GARIN1A: variants seen among roughly 807,000 people sequenced by gnomAD.
GARIN1A encodes the protein Golgi-associated RAB2 interactor protein 1A.
At chr7:128,686,585 G>T in the GARIN1A span, 2 of 151,954 alleles carry the variant, frequency 1.3e-5, no homozygotes, top group Non-Finnish European at 2.9e-5. Flanking sequence ...ACATAAATCT[G>T]ACAGAAAGGA....
the GARIN1A span, among the ~76,000 whole-genome samples, chr7:128,694,562 AAAC>A: frequency 1.3e-5 from 2 of 151,104 alleles, no homozygotes; most frequent in Admixed American, 1.3e-4. Context: ...AGAAAGAAAA[AAAC>A]CAGCACATGG....
the GARIN1A span, among the ~76,000 whole-genome samples, chr7:128,696,611 C>T: frequency 2.0e-5 from 3 of 152,108 alleles, no homozygotes; most frequent in East Asian, 1.9e-4. Context: ...GAGGATCACT[C>T]GAGGTCAGGA....
the GARIN1A span, among the ~76,000 whole-genome samples, chr7:128,704,929 A>G: frequency 6.6e-6 from 1 of 152,222 alleles, no homozygotes; most frequent in Non-Finnish European, 1.5e-5. Context: ...TCAGCATATT[A>G]GGACTGAACA....
the GARIN1A span, among the ~76,000 whole-genome samples, chr7:128,702,495 C>T: frequency 1.9e-4 from 29 of 152,092 alleles, no homozygotes; most frequent in African/African-American, 6.7e-4. Context: ...ACTATTAGGG[C>T]AACCACTAAA....
At chr7:128,677,064 TAA>T in the GARIN1A span, among the ~76,000 whole-genome samples, 1 of 151,910 alleles carries the variant, frequency 6.6e-6, no homozygotes, top group African/African-American at 2.4e-5. Context: ...GTATTCCTAC[TAA>T]AGTCCTGGAA....
At chr7:128,682,727 G>A in the GARIN1A span, among the ~76,000 whole-genome samples, 1 of 151,984 alleles carries the variant, frequency 6.6e-6, no homozygotes, top group South Asian at 2.1e-4. Context: ...ACAGGCGTGT[G>A]CCACATGCCT....
the GARIN1A span, among the ~76,000 whole-genome samples, chr7:128,706,659 T>C: frequency 5.3e-5 from 8 of 152,204 alleles, no homozygotes; most frequent in Non-Finnish European, 4.4e-5. Context: ...GTTTACTTAT[T>C]TGCTCATGTA....
chr7:128,680,287 T>G, the GARIN1A span: 2 of 478,142 alleles, frequency 4.2e-6, no homozygotes, highest in Admixed American at 4.2e-5. Context: ...TCAATTTTAT[T>G]GTAAGCCTGC....
At chr7:128,687,368 G>A in the GARIN1A span, 3 of 152,292 alleles carry the variant, frequency 2.0e-5, no homozygotes, top group East Asian at 1.9e-4. Flanking sequence ...TCATTGGACG[G>A]ATGTGGGTTG....
chr7:128,707,379 T>C, the GARIN1A span, among the ~76,000 whole-genome samples: 2 of 152,272 alleles, frequency 1.3e-5, no homozygotes, highest in South Asian at 2.1e-4. Context: ...ACTGAAACTT[T>C]GTACTCTTTG....
chr7:128,701,385 A>AC, the GARIN1A span, among the ~76,000 whole-genome samples: 1 of 6,028 alleles, frequency 1.7e-4, no homozygotes, highest in Non-Finnish European at 2.8e-4. Context: ...GGGGAGGGAG[A>AC]GGGGAGGGGA....
chr7:128,676,457 G>A, the GARIN1A span, among the ~76,000 whole-genome samples: 2 of 117,906 alleles, frequency 1.7e-5, no homozygotes, highest in Admixed American at 8.2e-5. Context: ...GTGTATATAT[G>A]TGTGTGTGTG....
chr7:128,699,259 TGC>T, the GARIN1A span, among the ~76,000 whole-genome samples: 6 of 37,174 alleles, frequency 1.6e-4, no homozygotes, highest in African/African-American at 6.2e-4. Context: ...CCATACCTGC[TGC>T]CCCCCCCCCC....
At chr7:128,679,845 T>C in the GARIN1A span, among the ~76,000 whole-genome samples, 1 of 152,182 alleles carries the variant, frequency 6.6e-6, no homozygotes, top group African/African-American at 2.4e-5. Context: ...GGAGCAGGTG[T>C]GACCCTGCCA....
chr7:128,676,417 C>G, the GARIN1A span, among the ~76,000 whole-genome samples: 1 of 151,024 alleles, frequency 6.6e-6, no homozygotes, highest in Admixed American at 6.6e-5. Context: ...GCTTCCTTTT[C>G]TGTAAATGTG....
At chr7:128,689,281 G>GC in the GARIN1A span, among the ~76,000 whole-genome samples, 1 of 151,804 alleles carries the variant, frequency 6.6e-6, no homozygotes, top group African/African-American at 2.4e-5. Flanking sequence ...GATGCGAGGA[G>GC]CCCCTCTGCC....
chr7:128,675,674 G>A, the GARIN1A span: 3 of 1,613,322 alleles, frequency 1.9e-6, no homozygotes, highest in East Asian at 2.2e-5. Flanking sequence ...CTGATTTCCA[G>A]GTCACTAAGC....
At chr7:128,697,938 C>G in the GARIN1A span, among the ~76,000 whole-genome samples, 11 of 152,244 alleles carry the variant, frequency 7.2e-5, no homozygotes, top group African/African-American at 2.4e-4. Context: ...CTTTATGGGT[C>G]TATTTTTGTA....
the GARIN1A span, chr7:128,684,821 C>T: frequency 2.0e-5 from 3 of 151,804 alleles, no homozygotes; most frequent in Admixed American, 2.0e-4. Flanking sequence ...GAAGACATGG[C>T]ATCTTTGAGT....
Sources: gnomAD v4.1 joint callset for allele counts (sites outside exome capture counted in the v4.1 genomes callset) on GRCh38, gnomAD v4.1.1 for gene constraint, MANE v1.5 for transcripts, NCBI Gene and HGNC (gene_info 2026-07-23, HGNC 2026-07-21) for gene names.